STK3: variants seen among roughly 807,000 people sequenced by gnomAD.
The protein encoded by STK3 is serine/threonine-protein kinase 3.
Under a neutral mutation model 58.0 loss-of-function variants are expected in STK3, and 41 were observed. The ratio of observed to expected loss-of-function variants is 0.71; its 90% CI spans 0.55 to 0.92. STK3 has a LOEUF of 0.92. Among genes scored for constraint, STK3 ranks in the 40% least tolerant of loss-of-function variants. The probability of loss-of-function intolerance (pLI) is 0.00; values close to 1 mark genes in which losing one functional copy is unlikely to be tolerated. For missense variants in STK3, 479 were observed against 602.7 expected, an observed-to-expected ratio of 0.79 and a Z score of 2.15; for synonymous variants, 170 against 191.0, an observed-to-expected ratio of 0.89 and a Z score of 0.91.
intron 6 of STK3, among the ~76,000 whole-genome samples, chr8:98,702,989 C>T (rs1465447130): frequency 6.6e-6 from 1 of 152,118 alleles, no homozygotes; most frequent in African/African-American, 2.4e-5. Context: ...ACATCTTTGT[C>T]TCATTGTGGC....
At chr8:98,617,502 C>CA (rs1205941796) in intron 6 of STK3, among the ~76,000 whole-genome samples, 10 of 145,950 alleles carry the variant, frequency 6.9e-5, no homozygotes, top group East Asian at 2.0e-4. Flanking sequence ...AAAAACCCTT[C>CA]AAAAAATCAA....
chr8:98,614,773 C>A (rs369202317), intron 6 of STK3, among the ~76,000 whole-genome samples: 3 of 152,154 alleles, frequency 2.0e-5, no homozygotes, highest in African/African-American at 7.2e-5. Flanking sequence ...CGGCGCACCA[C>A]GAGACTATAT....
chr8:98,832,644 C>G (rs1835580761), intron 3 of STK3, among the ~76,000 whole-genome samples: 1 of 152,108 alleles, frequency 6.6e-6, no homozygotes, highest in African/African-American at 2.4e-5. Flanking sequence ...ACCGCCTATC[C>G]TGTCATGGCT....
At chr8:98,567,215 T>A (rs1168141485) in intron 8 of STK3, among the ~76,000 whole-genome samples, 1 of 152,212 alleles carries the variant, frequency 6.6e-6, no homozygotes, top group Non-Finnish European at 1.5e-5. Context: ...TTATGTCTAT[T>A]CTTTTTGTTG....
chr8:98,905,212 G>A (rs1313248564), intron 1 of STK3: 1 of 938,872 alleles, frequency 1.1e-6, no homozygotes, highest in Admixed American at 1.7e-5. Context: ...GGGGCAGTCC[G>A]AAGTCGGGCT....
At chr8:98,768,553 T>C (rs1372164867) in intron 2 of STK3, among the ~76,000 whole-genome samples, 3 of 152,308 alleles carry the variant, frequency 2.0e-5, no homozygotes, top group Admixed American at 6.5e-5. Flanking sequence ...TGTGGGGGAA[T>C]GTATGTGTGT....
intron 10 of STK3, among the ~76,000 whole-genome samples, chr8:98,478,016 A>C (rs968930552): frequency 4.6e-5 from 7 of 152,122 alleles, no homozygotes; most frequent in Non-Finnish European, 1.0e-4. Context: ...AGGTATAGGA[A>C]GAAAATTAAA....
At chr8:98,403,193 C>T (rs1018606592) in intron 3 of STK3, among the ~76,000 whole-genome samples, 1 of 152,222 alleles carries the variant, frequency 6.6e-6, no homozygotes, top group Admixed American at 6.5e-5. Flanking sequence ...TCAGACACTC[C>T]CAGCTCAGGG....
intron 1 of STK3, among the ~76,000 whole-genome samples, chr8:98,386,273 T>TTAA (rs1406040492): frequency 6.6e-6 from 1 of 152,194 alleles, no homozygotes; most frequent in Non-Finnish European, 1.5e-5. Flanking sequence ...CACAAGACAA[T>TTAA]TAATTGCAGC....
At chr8:98,385,609 C>T (rs903505736) in intron 1 of STK3, among the ~76,000 whole-genome samples, 1 of 152,142 alleles carries the variant, frequency 6.6e-6, no homozygotes, top group Non-Finnish European at 1.5e-5. Flanking sequence ...GACCAGGAAC[C>T]TGACTCCCCT....
chr8:98,432,193 T>TA (rs1207744358), intron 3 of STK3: 1 of 166,970 alleles, frequency 6.0e-6, no homozygotes, highest in African/African-American at 2.4e-5. Context: ...TAATTTTCTG[T>TA]AAAAATATGA....
chr8:98,726,314 G>T (rs1455922362), intron 4 of STK3, among the ~76,000 whole-genome samples: 1 of 152,086 alleles, frequency 6.6e-6, no homozygotes, highest in East Asian at 1.9e-4. Flanking sequence ...CTATGTAGGG[G>T]ACTATATATT....
At chr8:98,750,373 A>T (rs1169524795) in intron 3 of STK3, among the ~76,000 whole-genome samples, 1 of 151,998 alleles carries the variant, frequency 6.6e-6, no homozygotes, top group Non-Finnish European at 1.5e-5. Context: ...TCAAATAAAT[A>T]CTTCTATCTA....
chr8:98,617,635 C>A (rs1257115039), intron 6 of STK3, among the ~76,000 whole-genome samples: 16 of 152,044 alleles, frequency 1.1e-4, no homozygotes, highest in Middle Eastern at 3.4e-3. Flanking sequence ...GGGGATATCA[C>A]CACCGATCCC....
At chr8:98,570,823 C>T (rs1000753307) in intron 8 of STK3, among the ~76,000 whole-genome samples, 3 of 152,150 alleles carry the variant, frequency 2.0e-5, no homozygotes, top group African/African-American at 7.2e-5. Context: ...ACTCTATTTG[C>T]AGATGGTAAA....
rs548681252 is a variant in STK3 at position 98,543,695 on chromosome 8, G to A, written c.1141+4274C>T. 4.9e-4 allele frequency among the ~76,000 whole-genome samples: 75 copies of A among 152,220 alleles called. 2 individuals are homozygous for A. In the South Asian group the frequency reaches 0.016, roughly 32 times the overall value. On this transcript the variant is annotated intron_variant, in intron 9 of 10. Transcript: ENST00000419617. ...ACGTCATCTACTGAAACTGAGATGGGAGGCAGGAAGAAGAGATCTAGTGAA... is the reference window on the plus strand; with the variant it reads ...ACGTCATCTACTGAAACTGAGATGGAAGGCAGGAAGAAGAGATCTAGTGAA...
chr8:98,494,026 C>T (rs1822919120), intron 10 of STK3, among the ~76,000 whole-genome samples: 1 of 152,176 alleles, frequency 6.6e-6, no homozygotes, highest in Non-Finnish European at 1.5e-5. Flanking sequence ...CATATTGCAA[C>T]AATCCCCTTA....
chr8:98,744,965 T>G (rs1222372447), intron 4 of STK3, among the ~76,000 whole-genome samples: 2 of 150,808 alleles, frequency 1.3e-5, no homozygotes, highest in Non-Finnish European at 2.9e-5. Flanking sequence ...TCCAGCTAGA[T>G]TAAAGATGTA....
At chr8:98,759,128 A>G (rs902103589) in intron 3 of STK3, among the ~76,000 whole-genome samples, 4 of 152,238 alleles carry the variant, frequency 2.6e-5, no homozygotes, top group Non-Finnish European at 5.9e-5. Context: ...TTTGCATTCA[A>G]GCTTGGCTAG....
Sources: gnomAD v4.1 joint callset for allele counts (sites outside exome capture counted in the v4.1 genomes callset) on GRCh38, gnomAD v4.1.1 for gene constraint, MANE v1.5 for transcripts, NCBI Gene and HGNC (gene_info 2026-07-23, HGNC 2026-07-21) for gene names.